EYS: variants seen among roughly 807,000 people sequenced by gnomAD.
The protein encoded by EYS is protein eyes shut homolog.
A neutral mutation model predicts 282.1 loss-of-function variants in EYS; 250 were observed. The observed-to-expected ratio is 0.89, with a 90% CI of 0.80 to 0.98. The LOEUF (loss-of-function observed/expected upper bound fraction) is 0.98. Among genes scored for constraint, EYS ranks in the 50% least tolerant of loss-of-function variants. The probability of loss-of-function intolerance (pLI) is 0.00; values close to 1 mark genes in which losing one functional copy is unlikely to be tolerated. For synonymous variants in EYS, 1,355 were observed against 1,282.9 expected (o/e 1.06, Z -1.20); for missense variants, 4,016 against 3,709.0 (o/e 1.08, Z -2.15).
chr6:63,953,674 T>C (rs1200067107), intron 35 of EYS, among the ~76,000 whole-genome samples: 1 of 152,112 alleles, frequency 6.6e-6, no homozygotes, highest in Non-Finnish European at 1.5e-5. Context: ...GCTGACCCCA[T>C]AAATCCTAAA....
At chr6:65,434,322 AT>A (rs369477528) in intron 5 of EYS, among the ~76,000 whole-genome samples, 1,913 of 144,514 alleles carry the variant, frequency 0.013, 7 homozygotes, top group Middle Eastern at 0.026. Context: ...GGTTTGCATA[AT>A]TTTTTTTTTT....
intron 12 of EYS, among the ~76,000 whole-genome samples, chr6:65,295,183 T>C (rs1768628231): frequency 6.6e-6 from 1 of 151,898 alleles, no homozygotes; most frequent in Admixed American, 6.6e-5. Flanking sequence ...AATGTAATTG[T>C]TTTTCTGTAT....
chr6:64,994,676 A>C (rs1771186776), intron 14 of EYS, among the ~76,000 whole-genome samples: 1 of 152,146 alleles, frequency 6.6e-6, no homozygotes, highest in South Asian at 2.1e-4. Context: ...AGTAAAAGCA[A>C]GTAAATATAA....
intron 31 of EYS, among the ~76,000 whole-genome samples, chr6:64,133,846 T>C (rs1440596400): frequency 6.6e-6 from 1 of 152,036 alleles, no homozygotes; most frequent in African/African-American, 2.4e-5. Context: ...ATCTTTCTTT[T>C]TTTTTTTCTT....
chr6:65,366,981 C>T (rs949120548), intron 8 of EYS, among the ~76,000 whole-genome samples: 28 of 151,576 alleles, frequency 1.8e-4, no homozygotes, highest in African/African-American at 6.8e-4. Context: ...TATCAGGCCC[C>T]ATCTGATAAT....
chr6:64,174,968 G>A (rs1400110897), intron 31 of EYS, among the ~76,000 whole-genome samples: 1 of 151,994 alleles, frequency 6.6e-6, no homozygotes, highest in East Asian at 1.9e-4. Flanking sequence ...TCTTTGCAAG[G>A]TTGTTAGAAA....
chr6:64,955,993 G>A (rs1231761214), intron 14 of EYS, among the ~76,000 whole-genome samples: 1 of 151,814 alleles, frequency 6.6e-6, no homozygotes, highest in Non-Finnish European at 1.5e-5. Context: ...ACTAAATTAA[G>A]GAATAGAGAA....
intron 5 of EYS, among the ~76,000 whole-genome samples, chr6:65,409,993 G>C (rs1049032715): frequency 1.6e-4 from 25 of 152,044 alleles, no homozygotes; most frequent in African/African-American, 6.0e-4. Flanking sequence ...ATCATACAAA[G>C]AGTAAATATG....
Position 64,682,052 on chromosome 6 carries a change from T to C in EYS, c.3444-55807A>G, listed in dbSNP as rs545562311. On this transcript the variant is annotated intron_variant, in intron 22 of 42. Coordinates refer to ENST00000503581, the MANE Select transcript of EYS (RefSeq NM_001142800.2). The stretch of plus-strand genomic sequence containing the variant: ...ACAGAGGAGAAACAAGCAGTTAATA[T>C]TCTCTCAACCCAGGCCCCCGGGTGG... Among the ~76,000 whole-genome samples, 8 of 152,278 alleles carry C rather than the reference T, an allele frequency of 5.3e-5. No homozygotes were observed. The South Asian group carries it at 1.7e-3, about 32-fold the overall frequency.
chr6:65,209,131 G>T (rs1267234532), intron 12 of EYS, among the ~76,000 whole-genome samples: 1 of 151,682 alleles, frequency 6.6e-6, no homozygotes, highest in Admixed American at 6.6e-5. Flanking sequence ...AGCACTTTAA[G>T]GTAAGATTGT....
intron 5 of EYS, among the ~76,000 whole-genome samples, chr6:65,483,267 G>A (rs1490814442): frequency 6.6e-6 from 1 of 151,778 alleles, no homozygotes; most frequent in Non-Finnish European, 1.5e-5. Flanking sequence ...TTTTCTAAGG[G>A]CTCTTAAGTT....
intron 19 of EYS, among the ~76,000 whole-genome samples, chr6:64,877,898 A>G (rs1447242959): frequency 6.6e-6 from 1 of 152,192 alleles, no homozygotes; most frequent in African/African-American, 2.4e-5. Flanking sequence ...TGGAGAGAAT[A>G]ATTTATGCTG....
At chr6:64,295,805 G>T (rs1320089806) in intron 30 of EYS, among the ~76,000 whole-genome samples, 2 of 151,792 alleles carry the variant, frequency 1.3e-5, no homozygotes, top group East Asian at 3.9e-4. Flanking sequence ...GTTACAATTC[G>T]AACTTTCAAG....
At chr6:65,352,165 T>A (rs974555284) in intron 9 of EYS, among the ~76,000 whole-genome samples, 2 of 151,886 alleles carry the variant, frequency 1.3e-5, no homozygotes, top group Non-Finnish European at 2.9e-5. Context: ...TACAGTATAC[T>A]ATTTTATGAG....
chr6:63,968,650 G>A (rs1331916406), intron 35 of EYS, among the ~76,000 whole-genome samples: 1 of 152,102 alleles, frequency 6.6e-6, no homozygotes, highest in Non-Finnish European at 1.5e-5. Flanking sequence ...AAAGGTGAAG[G>A]CAGAATATTT....
intron 12 of EYS, among the ~76,000 whole-genome samples, chr6:65,231,046 TA>T (rs771157956): frequency 6.0e-4 from 88 of 146,460 alleles, no homozygotes; most frequent in Non-Finnish European, 1.2e-3. Flanking sequence ...ACCCCAAAAT[TA>T]AAAGTATATA....
intron 29 of EYS, among the ~76,000 whole-genome samples, chr6:64,341,009 A>G (rs1221579752): frequency 6.6e-6 from 1 of 151,806 alleles, no homozygotes; most frequent in Admixed American, 6.6e-5. Context: ...CCAAACCACA[A>G]CGAGATACCA....
chr6:64,960,091 A>C (rs574621606), intron 14 of EYS, among the ~76,000 whole-genome samples: 90 of 152,204 alleles, frequency 5.9e-4, no homozygotes, highest in African/African-American at 2.1e-3. Context: ...GGTAATTTTC[A>C]GGTATAGAAA....
chr6:65,526,207 T>A (rs1767554808), intron 2 of EYS, among the ~76,000 whole-genome samples: 2 of 152,184 alleles, frequency 1.3e-5, no homozygotes, highest in South Asian at 2.1e-4. Context: ...TAATCCTAGT[T>A]ATCTTCCAAT....
Sources: allele counts gnomAD v4.1 joint callset (sites outside exome capture counted in the v4.1 genomes callset), GRCh38; gene constraint gnomAD v4.1.1; transcripts MANE v1.5; gene names NCBI Gene and HGNC (gene_info 2026-07-23, HGNC 2026-07-21).